The following DCTN1 variants were observed in gnomAD, a reference collection of about 807,000 sequenced individuals.
DCTN1 encodes the protein 150 kDa dynein-associated polypeptide.
In DCTN1, 61 loss-of-function variants were observed where a neutral mutation model predicts 161.2. That is an observed-to-expected ratio of 0.38 (90% CI 0.31 to 0.47). DCTN1 has a LOEUF of 0.47. DCTN1 is among the 20% of genes least tolerant of loss of function. The pLI is 0.99. For synonymous variants in DCTN1, 653 were observed against 632.4 expected (o/e 1.03, Z -0.49); for missense variants, 1,404 against 1,623.7 (o/e 0.86, Z 2.33).
In DCTN1 at chr2:74,378,250, AAGACAC is replaced by A; in HGVS notation, c.34-11_34-6del. On this transcript the variant is annotated splice_polypyrimidine_tract_variant and splice_region_variant and intron_variant, in intron 1 of 31. Transcript: ENST00000628224. ...CATCCTGCTGCCGCTGGGCGTCTGA[AAGACAC>A]AGGTAAACACAGACAGTTAGAGGCC... is the stretch of plus-strand genomic sequence containing the variant. The A allele has an allele frequency of 6.2e-7, 1 of 1,605,562 alleles. No individual in the cohort carries two copies. Among genetic ancestry groups the A allele is most frequent in the East Asian group, 2.2e-5 (1 of 44,890 alleles).
At chr2:74,390,421 G>A (rs1233509745) in intron 1 of DCTN1, among the ~76,000 whole-genome samples, 2 of 152,218 alleles carry the variant, frequency 1.3e-5, no homozygotes, top group African/African-American at 2.4e-5. Flanking sequence ...CCTATATGCA[G>A]ATAATTGCCC....
At chr2:74,361,954 G>T in intron 31 of DCTN1, 98 bp downstream of exon 31, 3 of 1,312,272 alleles carry the variant, frequency 2.3e-6, no homozygotes, top group Non-Finnish European at 3.3e-6. Context: ...GCAGTTGTTA[G>T]ACCTGAGACT....
chr2:74,378,259 G>A lies in DCTN1; in HGVS notation c.34-14C>T. The A allele has an allele frequency of 6.2e-7, 1 of 1,603,856 alleles. No individual in the cohort carries two copies. The highest frequency in any genetic ancestry group is 8.5e-7 in the Non-Finnish European group (1 of 1,179,978). On this transcript the variant is annotated splice_polypyrimidine_tract_variant and intron_variant, in intron 1 of 31. Coordinates refer to ENST00000628224, the MANE Select transcript of DCTN1 (RefSeq NM_004082.5). ...GCCGCTGGGCGTCTGAAAGACACAG[G>A]TAAACACAGACAGTTAGAGGCCTCA...
intron 8 of DCTN1, 79 bp from the exon 9 acceptor site, chr2:74,371,255 A>G: frequency 6.2e-7 from 1 of 1,606,162 alleles, no homozygotes; most frequent in Non-Finnish European, 8.5e-7. Flanking sequence ...AAAGAACACA[A>G]GAAAGTGTGC....
At position 74,380,270 on chromosome 2, in the gene DCTN1, A is replaced by G. The variant is rs1558950517; in HGVS notation, c.-233T>C. 8.0e-6 allele frequency: 5 copies of G among 622,022 alleles called. No individual in the cohort carries two copies. In the East Asian group the frequency reaches 1.1e-4, roughly 14 times the overall value. The allele number at this position is 622,022 out of a possible 1,614,324, so 38.5% of individuals were successfully genotyped here. The stretch of plus-strand genomic sequence containing the variant: ...CTGCTGCCTGAGGATTCCTGAACCC[A>G]GAGACACAGAATCCTGCTTGCCAGC... On this transcript the variant is annotated 5_prime_UTR_variant, in exon 1 of 32. Coordinates refer to ENST00000628224, the MANE Select transcript of DCTN1 (RefSeq NM_004082.5).
At chr2:74,364,819 C>T in intron 26 of DCTN1, 1 of 537,488 alleles carries the variant, frequency 1.9e-6, no homozygotes, top group Non-Finnish European at 3.4e-6. Flanking sequence ...AGGACATCTA[C>T]TAGAGACCAA....
rs561056438 is a variant in DCTN1, at chr2:74,388,395, A to T, written c.-19+3399T>A. Among the ~76,000 whole-genome samples the T allele has an allele frequency of 3.9e-5, 6 of 152,312 alleles. No individual in the cohort carries two copies. The South Asian group carries it at 1.2e-3, about 32-fold the overall frequency. ...CCATCTCTAAACAACAAAACAAAAT[A>T]AAACAACATGGCTTCATTATGAATC... On this transcript the variant is annotated intron_variant, in intron 1 of 27. Transcript: ENST00000409240.
At chr2:74,376,101 T>G (rs1573175526) in intron 5 of DCTN1, among the ~76,000 whole-genome samples, 2 of 151,982 alleles carry the variant, frequency 1.3e-5, no homozygotes, top group Non-Finnish European at 2.9e-5. Flanking sequence ...GGAGGGGACG[T>G]GACATGATTG....
chr2:74,373,605 C>T (rs1273925470), intron 6 of DCTN1, among the ~76,000 whole-genome samples: 2 of 152,196 alleles, frequency 1.3e-5, no homozygotes, highest in Non-Finnish European at 2.9e-5. Flanking sequence ...CAGAGCTCAG[C>T]AAAGTAACCC....
chr2:74,384,570 A>T (rs1675648273), upstream of DCTN1, among the ~76,000 whole-genome samples: 1 of 152,382 alleles, frequency 6.6e-6, no homozygotes, highest in African/African-American at 2.4e-5. Context: ...GTCTGCCAAT[A>T]GTCTTAGAGA....
rs770445860 is a variant in DCTN1 at position 74,361,306 on chromosome 2, G to A, written c.*193C>T. ...AGTTGAACAACAAATTATGGCAGAG[G>A]CCAGGGAATGGGAGTGGGGGAACCC... On this transcript the variant is annotated 3_prime_UTR_variant, in exon 32 of 32. Coordinates refer to ENST00000628224, the MANE Select transcript of DCTN1 (RefSeq NM_004082.5). The A allele has an allele frequency of 1.6e-5, 13 of 796,350 alleles. No individual in the cohort carries two copies. In the South Asian group the frequency reaches 1.7e-4, roughly 11 times the overall value. The allele number at this position is 796,350 out of a possible 1,614,324, so 49.3% of individuals were successfully genotyped here. A position where few individuals can be genotyped will look rare whatever the true frequency, so the allele number is the denominator to read the frequency against.
In DCTN1 at chr2:74,368,012, G is replaced by A; in HGVS notation, c.1974C>T (p.Tyr658=). 6.2e-7 allele frequency: 1 copy of A among 1,614,202 alleles called. No homozygotes were observed. The highest frequency in any genetic ancestry group is 8.5e-7 in the Non-Finnish European group (1 of 1,180,028). The change falls in exon 17 of 32, where the codon TAC becomes TAT. Residue 658 remains tyrosine (Y), a synonymous_variant. Coordinates refer to ENST00000628224, the MANE Select transcript of DCTN1 (RefSeq NM_004082.5). ...GCGTGGCCTGCAGCAGGCTCAGCGA[G>A]TACACCAGTCCAGCAGCAAAGCTGA... is the stretch of plus-strand genomic sequence containing the variant. ...EQLSFAAGLV[Y]SLSLLQATLH...
At chr2:74,380,778 C>G (rs964849604), upstream of DCTN1, among the ~76,000 whole-genome samples, 2 of 152,204 alleles carry the variant, frequency 1.3e-5, no homozygotes, top group Non-Finnish European at 2.9e-5. Flanking sequence ...AAGGCAACTT[C>G]ACACACATAG....
chr2:74,366,750 G>GTTTCC (rs760760301), intron 21 of DCTN1, 33 bp downstream of exon 21: 72 of 1,614,206 alleles, frequency 4.5e-5, no homozygotes, highest in Admixed American at 1.8e-4. Flanking sequence ...TTTCTACTCA[G>GTTTCC]TTTCCTTCCC....
Position 74,370,245 on chromosome 2 carries a change from C to A in DCTN1, c.1228G>T (p.Glu410Ter). The A allele has an allele frequency of 6.2e-7, 1 of 1,614,040 alleles. No homozygotes were observed. Among genetic ancestry groups the A allele is most frequent in the Non-Finnish European group, 8.5e-7 (1 of 1,180,048 alleles). ...QELEVVRQQR[E>*]RLQEELSQAE... ...TGGCTTAGCTCCTCCTGCAGACGCT[C>A]CCGCTGTTGCCTCACAACTTCCAGC... Residue 410 changes from glutamate (E) to a stop codon, truncating the protein, a stop_gained, in exon 12 of 32, where the codon GAG becomes TAG. Coordinates refer to ENST00000628224, the MANE Select transcript of DCTN1 (RefSeq NM_004082.5). LOFTEE classifies it high-confidence loss of function. The surrounding 1 kb of genome is among the most constrained non-coding windows in gnomAD (Gnocchi z 4.4).
At chr2:74,375,130 G>A (rs1406184407) in intron 5 of DCTN1, among the ~76,000 whole-genome samples, 1 of 152,106 alleles carries the variant, frequency 6.6e-6, no homozygotes, top group Admixed American at 6.5e-5. Context: ...CTTCAGCTCT[G>A]AGGAGCACAC....
At chr2:74,374,402 G>A in intron 5 of DCTN1, 62 bp from the exon 6 acceptor site, 6 of 1,610,610 alleles carry the variant, frequency 3.7e-6, no homozygotes, top group Middle Eastern at 1.7e-4. Context: ...GACAGAGGAG[G>A]ATAGACAAAC....
intron 7 of DCTN1, among the ~76,000 whole-genome samples, chr2:74,372,715 A>C (rs929405361): frequency 1.3e-5 from 2 of 152,222 alleles, no homozygotes; most frequent in Non-Finnish European, 2.9e-5. Flanking sequence ...TTTGCATTCA[A>C]GCTACTGGCT....
intron 26 of DCTN1, 119 bp from the exon 27 acceptor site, chr2:74,363,747 C>T: frequency 1.5e-6 from 2 of 1,325,734 alleles, no homozygotes; most frequent in Non-Finnish European, 2.1e-6. Flanking sequence ...AACCCTTTTC[C>T]TAATCATCAT....
Sources: allele counts gnomAD v4.1 joint callset (sites outside exome capture counted in the v4.1 genomes callset), GRCh38; gene constraint gnomAD v4.1.1; non-coding constraint Gnocchi (gnomAD v3.1); transcripts MANE v1.5; gene names NCBI Gene and HGNC (gene_info 2026-07-23, HGNC 2026-07-21).